The following ZNF614 variants were observed in gnomAD, a reference collection of about 807,000 sequenced individuals.
ZNF614 encodes the protein zinc finger protein 614.
In ZNF614, 11 loss-of-function variants were observed where a neutral mutation model predicts 12.8. The observed-to-expected ratio is 0.86, with a 90% confidence interval of 0.54 to 1.43. ZNF614 has a LOEUF of 1.43. ZNF614 is among the 40% of genes most tolerant of loss of function. The pLI, the probability that ZNF614 is intolerant of heterozygous loss-of-function variation, is 0.00. For synonymous variants in ZNF614, 237 were observed against 237.5 expected, an observed-to-expected ratio of 1.00 and a Z score of 0.02; for missense variants, 664 against 708.8, an observed-to-expected ratio of 0.94 and a Z score of 0.72.
chr19:52,024,810 A>T (rs1440846557), intron 2 of ZNF614, among the ~76,000 whole-genome samples: 1 of 152,238 alleles, frequency 6.6e-6, no homozygotes, highest in African/African-American at 2.4e-5. Context: ...TAGGAAAGCC[A>T]GGTATTGTCC....
rs2086897683 is a variant in ZNF614, at chr19:52,016,401, G to C, written c.1197C>G (p.Tyr399Ter). 2 of 1,613,664 alleles carry C rather than the reference G, an allele frequency of 1.2e-6. No homozygotes were observed. Among genetic ancestry groups the C allele is most frequent in the Non-Finnish European group, 1.7e-6 (2 of 1,179,954 alleles). Residue 399 changes from tyrosine to a stop codon, truncating the protein, a stop_gained, in exon 5 of 5, where the codon TAC (tyrosine) becomes TAG (stop). Transcript: ENST00000270649. LOFTEE classifies it low-confidence loss of function (END_TRUNC). ...AGCCTTTTCCACATTCGCTGCATATGTAAGATTTTTCTCCTGTGTGGGAGC... is the reference window on the plus strand; with the variant it reads ...AGCCTTTTCCACATTCGCTGCATATCTAAGATTTTTCTCCTGTGTGGGAGC... ...HQRSHTGEKS[Y>*]ICSECGKGFT...
In ZNF614 at chr19:52,013,934, G is replaced by A. The variant is rs1265922837; in HGVS notation, c.*1906C>T. The stretch of plus-strand genomic sequence containing the variant: ...ATGGTTATATAGGATATTTTTACTA[G>A]AAATTGGTTGAAGGATACTAGCAAA... On this transcript the variant is annotated 3_prime_UTR_variant, in exon 5 of 5. Coordinates refer to ENST00000270649, the MANE Select transcript of ZNF614 (RefSeq NM_025040.4). 6.6e-6 allele frequency: 1 copy of A among 152,140 alleles called. No individual in the cohort carries two copies. Among genetic ancestry groups the A allele is most frequent in the Non-Finnish European group, 1.5e-5 (1 of 68,026 alleles). The allele number at this position is 152,140 out of a possible 1,614,324, so 9.4% of individuals were successfully genotyped here. A position where few individuals can be genotyped will look rare whatever the true frequency, so the allele number is the denominator to read the frequency against.
intron 2 of ZNF614, among the ~76,000 whole-genome samples, chr19:52,021,621 T>G (rs1448715742): frequency 6.6e-6 from 1 of 151,942 alleles, no homozygotes; most frequent in African/African-American, 2.4e-5. Context: ...TGGATGCCTG[T>G]GGTCTCAGCT....
chr19:52,016,695 A>G lies in ZNF614; in HGVS notation c.903T>C (p.Tyr301=). 1 of 1,613,976 alleles carries G rather than the reference A, an allele frequency of 6.2e-7. No homozygotes were observed. Among genetic ancestry groups the G allele is most frequent in the Non-Finnish European group, 8.5e-7 (1 of 1,179,888 alleles). ...ECGKGFTMKR[Y]LIAHQRTHSG... ...TATGAGTTCGCTGATGAGCAATTAGATAGCGCTTCATTGTAAAGCCCTTTC... is the reference window on the plus strand; with the variant it reads ...TATGAGTTCGCTGATGAGCAATTAGGTAGCGCTTCATTGTAAAGCCCTTTC... Residue 301 remains tyrosine (Y), a synonymous_variant, in exon 5 of 5, where the codon TAT becomes TAC. Coordinates refer to ENST00000270649, the MANE Select transcript of ZNF614 (RefSeq NM_025040.4).
rs1414585812 is a variant in ZNF614, at chr19:52,017,098, T to C, written c.500A>G (p.His167Arg). The C allele has an allele frequency of 4.3e-6, 7 of 1,614,096 alleles. No individual in the cohort carries two copies. In the African/African-American group the frequency reaches 5.3e-5, roughly 12 times the overall value. Residue 167 changes from histidine to arginine, a missense_variant, in exon 5 of 5, where the codon CAT becomes CGT. Transcript: ENST00000270649. Reference protein sequence around the residue: ...EFIGGEKTLLHGKHERTHTKT... With the variant: ...EFIGGEKTLLRGKHERTHTKT... ...AGTATGCGTACGTTCATGCTTACCA[T>C]GTAGAAGTGTTTTCTCACCTCCAAT...
In ZNF614 at chr19:52,018,008, C is replaced by A; in HGVS notation, c.238G>T (p.Gly80Ter). The A allele has an allele frequency of 6.2e-7, 1 of 1,612,796 alleles. No homozygotes were observed. Among genetic ancestry groups the A allele is most frequent in the Non-Finnish European group, 8.5e-7 (1 of 1,179,122 alleles). ...ACTGTCCTTGCTGGTTCTCACTTACCTGGACAATTTTTATTCTGAATTTTA... is the reference window on the plus strand; with the variant it reads ...ACTGTCCTTGCTGGTTCTCACTTACATGGACAATTTTTATTCTGAATTTTA... The part of the protein sequence containing the change: ...DAKIQNKNCP[G>*]IGKVDSHLQE... The change falls in exon 4 of 5, where the codon GGA (glycine) becomes TGA (stop). Residue 80 changes from glycine (G) to a stop codon, truncating the protein, a stop_gained and splice_region_variant. Transcript: ENST00000270649. LOFTEE classifies it low-confidence loss of function (END_TRUNC).
intron 1 of ZNF614, among the ~76,000 whole-genome samples, chr19:52,026,794 G>T (rs1362332470): frequency 6.6e-6 from 1 of 152,252 alleles, no homozygotes; most frequent in Non-Finnish European, 1.5e-5. Flanking sequence ...CTTAGGGCTG[G>T]AGGTGAGACA....
chr19:52,022,595 T>TAA (rs75027990), intron 2 of ZNF614, among the ~76,000 whole-genome samples: 3 of 129,632 alleles, frequency 2.3e-5, no homozygotes. Context: ...ATATATAATT[T>TAA]AAAAAAAAAA....
At chr19:52,018,235 T>A in intron 3 of ZNF614, 132 bp from the exon 4 acceptor site, 1 of 1,478,952 alleles carries the variant, frequency 6.8e-7, no homozygotes, top group Non-Finnish European at 9.4e-7. Context: ...TATACCACTT[T>A]GGGGTCAGAG....
At chr19:52,025,688 A>G in intron 2 of ZNF614, 43 bp downstream of exon 2, 1 of 1,609,546 alleles carries the variant, frequency 6.2e-7, no homozygotes, top group Non-Finnish European at 8.5e-7. Flanking sequence ...TGACTTCTTC[A>G]GGCCACCATA....
Position 52,016,471 on chromosome 19 carries a change from C to T in ZNF614, c.1127G>A (p.Cys376Tyr). The change falls in exon 5 of 5, where the codon TGT (cysteine) becomes TAT (tyrosine). Residue 376 changes from cysteine (C) to tyrosine (Y), a missense_variant. Physicochemically the swap from Cys to Tyr is radical, Grantham distance 194. Coordinates refer to ENST00000270649, the MANE Select transcript of ZNF614 (RefSeq NM_025040.4). ...GCTCTTCACGGTAAAGCCTTTTCCA[C>T]ATTCACTGCACATATAGGGTTTCTC... ...TGEKPYMCSE[C>Y]GKGFTVKSNL... 12 of 1,614,166 alleles carry T rather than the reference C, an allele frequency of 7.4e-6. No homozygotes were observed. Among genetic ancestry groups the T allele is most frequent in the Non-Finnish European group, 1.0e-5 (12 of 1,180,004 alleles).
chr19:52,025,627 A>T, intron 2 of ZNF614, 104 bp downstream of exon 2: 1 of 1,323,544 alleles, frequency 7.6e-7, no homozygotes, highest in Non-Finnish European at 1.1e-6. Flanking sequence ...AATGTAAGTT[A>T]ATTTCTCCCT....
rs2086882094 is a variant in ZNF614 at position 52,014,035 on chromosome 19, A to C, written c.*1805T>G. The C allele has an allele frequency of 6.6e-6, 1 of 151,498 alleles. No homozygotes were observed. The highest frequency in any genetic ancestry group is 6.6e-5 in the Admixed American group (1 of 15,114). The allele number at this position is 151,498 out of a possible 1,614,324, so 9.4% of individuals were successfully genotyped here. A position where few individuals can be genotyped will look rare whatever the true frequency, so the allele number is the denominator to read the frequency against. On this transcript the variant is annotated 3_prime_UTR_variant, in exon 5 of 5. Coordinates refer to ENST00000270649, the MANE Select transcript of ZNF614 (RefSeq NM_025040.4). ...GTGGTTTTATAAACTGATCATCTCT[A>C]TAATCTTAGTTAAGCAAGTCCAAAT...
At position 52,016,696 on chromosome 19, in the gene ZNF614, T is replaced by C. The variant is rs1249668675; in HGVS notation, c.902A>G (p.Tyr301Cys). The change falls in exon 5 of 5, where the codon TAT becomes TGT. Residue 301 changes from tyrosine to cysteine, a missense_variant. Physicochemically the swap from Tyr to Cys is radical, Grantham distance 194. Transcript: ENST00000270649. ...ECGKGFTMKRYLIAHQRTHSG... is the reference protein window; with the variant it reads ...ECGKGFTMKRCLIAHQRTHSG... Reference sequence around the variant, plus strand: ...ATGAGTTCGCTGATGAGCAATTAGATAGCGCTTCATTGTAAAGCCCTTTCC... The same window carrying C: ...ATGAGTTCGCTGATGAGCAATTAGACAGCGCTTCATTGTAAAGCCCTTTCC... 10 of 1,614,086 alleles carry C rather than the reference T, an allele frequency of 6.2e-6. No individual in the cohort carries two copies. The highest frequency in any genetic ancestry group is 2.7e-5 in the African/African-American group (2 of 74,948).
intron 2 of ZNF614, among the ~76,000 whole-genome samples, chr19:52,020,574 A>C (rs563269108): frequency 6.6e-6 from 1 of 152,224 alleles, no homozygotes; most frequent in Non-Finnish European, 1.5e-5. Flanking sequence ...TTGAGACTTC[A>C]TGATGTAGGC....
rs568689147 is a variant in ZNF614, at chr19:52,016,476, A to G, written c.1122T>C (p.Ser374=). 3 of 1,613,678 alleles carry G rather than the reference A, an allele frequency of 1.9e-6. No individual in the cohort carries two copies. In the African/African-American group the frequency reaches 4.0e-5, roughly 22 times the overall value. Reference sequence around the variant, plus strand: ...TCACGGTAAAGCCTTTTCCACATTCACTGCACATATAGGGTTTCTCTCCAG... The same window carrying G: ...TCACGGTAAAGCCTTTTCCACATTCGCTGCACATATAGGGTTTCTCTCCAG... ...THTGEKPYMC[S]ECGKGFTVKS... The change falls in exon 5 of 5, where the codon AGT becomes AGC. Residue 374 remains serine (S), a synonymous_variant. Transcript: ENST00000270649.
chr19:52,027,369 T>A (rs1281162999), intron 1 of ZNF614, among the ~76,000 whole-genome samples: 1 of 152,240 alleles, frequency 6.6e-6, no homozygotes, highest in Non-Finnish European at 1.5e-5. Context: ...AAGGAGTAAC[T>A]TTACCCAAGA....
intron 2 of ZNF614, among the ~76,000 whole-genome samples, chr19:52,018,800 G>T (rs534988429): frequency 8.5e-5 from 13 of 152,262 alleles, no homozygotes; most frequent in Non-Finnish European, 1.5e-4. Flanking sequence ...TTAAATAAAT[G>T]TAAGAGAAAA....
At position 52,025,764 on chromosome 19, in the gene ZNF614, A is replaced by G; in HGVS notation, c.-19T>C. On this transcript the variant is annotated 5_prime_UTR_variant, in exon 2 of 5. Coordinates refer to ENST00000270649, the MANE Select transcript of ZNF614 (RefSeq NM_025040.4). Reference sequence around the variant, plus strand: ...TGATCATTTTCTTCTGTGCTCAGAAAATAGTGGATAACATGGACTATACGT... The same window carrying G: ...TGATCATTTTCTTCTGTGCTCAGAAGATAGTGGATAACATGGACTATACGT... 1 of 1,613,768 alleles carries G rather than the reference A, an allele frequency of 6.2e-7. No homozygotes were observed. Among genetic ancestry groups the G allele is most frequent in the Non-Finnish European group, 8.5e-7 (1 of 1,179,798 alleles).
Sources: allele counts gnomAD v4.1 joint callset (sites outside exome capture counted in the v4.1 genomes callset), GRCh38; gene constraint gnomAD v4.1.1; transcripts MANE v1.5; gene names NCBI Gene and HGNC (gene_info 2026-07-23, HGNC 2026-07-21).